Variants in ARHGEF12 observed in about 807,000 individuals in gnomAD.
ARHGEF12 encodes KMT2A/ARHGEF12 fusion protein.
In ARHGEF12, 66 loss-of-function variants were observed where a neutral mutation model predicts 211.2. The observed-to-expected ratio is 0.31, with a 90% CI of 0.26 to 0.38. The LOEUF is 0.38. Ranked by LOEUF, ARHGEF12 falls within the 10% of genes least tolerant of loss-of-function variation. ARHGEF12 has a pLI of 1.00. For missense variants in ARHGEF12, 1,429 were observed against 1,869.5 expected (o/e 0.76, Z 4.34); for synonymous variants, 592 against 638.4 (o/e 0.93, Z 1.09).
Position 120,451,202 on chromosome 11 carries a change from G to A in ARHGEF12, c.1844-310G>A, listed in dbSNP as rs545873692. On this transcript the variant is annotated intron_variant, in intron 21 of 40. Transcript: ENST00000397843. The stretch of plus-strand genomic sequence containing the variant: ...TATTTTATTTATTTATTTTTGAGAC[G>A]GAGTCTTGCTCTGTCACCCAGGCTG... The A allele has an allele frequency of 2.6e-3, 501 of 191,216 alleles. 2 individuals carry two copies. The highest frequency in any genetic ancestry group is 4.1e-3 in the Non-Finnish European group (375 of 92,168). The allele number at this position is 191,216 out of a possible 1,614,324, so 11.8% of individuals were successfully genotyped here.
chr11:120,425,347 T>TG (rs1178621744), intron 7 of ARHGEF12, among the ~76,000 whole-genome samples: 39 of 151,762 alleles, frequency 2.6e-4, no homozygotes, highest in African/African-American at 9.0e-4. Flanking sequence ...TGGTTTTTTT[T>TG]TTTTTTTTGT....
At chr11:120,385,186 C>T (rs987159759) in intron 1 of ARHGEF12, 10 of 489,086 alleles carry the variant, frequency 2.0e-5, no homozygotes, top group African/African-American at 1.9e-4. Flanking sequence ...GAGTGATATT[C>T]TAGGGAAATG....
intron 37 of ARHGEF12, 37 bp from the exon 38 acceptor site, chr11:120,479,923 A>G (rs971300579): frequency 1.3e-6 from 2 of 1,560,558 alleles, no homozygotes; most frequent in Admixed American, 1.7e-5. Flanking sequence ...ATAGTTGTGA[A>G]TATGTTTTTT....
chr11:120,369,593 T>G (rs1165364883), intron 1 of ARHGEF12, among the ~76,000 whole-genome samples: 1 of 152,160 alleles, frequency 6.6e-6, no homozygotes, highest in Admixed American at 6.5e-5. Context: ...CTAATCGGAG[T>G]AATGCAGTTT....
At position 120,343,505 on chromosome 11, in the gene ARHGEF12, T is replaced by C. The variant is rs1349386623; in HGVS notation, c.32+6230T>C. Among the ~76,000 whole-genome samples, 4 of 152,352 alleles carry C rather than the reference T, an allele frequency of 2.6e-5. No homozygotes were observed. In the East Asian group the frequency reaches 7.7e-4, roughly 29 times the overall value. ...TGCATGAGTATATAGTGTCGACTTTTAGTAAAAGAAAAAATACACTAACTT... is the reference window on the plus strand; with the variant it reads ...TGCATGAGTATATAGTGTCGACTTTCAGTAAAAGAAAAAATACACTAACTT... On this transcript the variant is annotated intron_variant, in intron 1 of 40. Coordinates refer to ENST00000397843, the MANE Select transcript of ARHGEF12 (RefSeq NM_015313.3).
chr11:120,472,415 G>A (rs979987291), intron 30 of ARHGEF12, among the ~76,000 whole-genome samples: 3 of 152,088 alleles, frequency 2.0e-5, no homozygotes, highest in Admixed American at 2.0e-4. Context: ...AATAGGACAA[G>A]GTTAGAGGGA....
intron 13 of ARHGEF12, among the ~76,000 whole-genome samples, chr11:120,440,448 A>G (rs77216358): frequency 0.034 from 5,128 of 152,194 alleles, 141 homozygotes; most frequent in South Asian, 0.049. Flanking sequence ...TAAGTACTTC[A>G]TTTTATTGGG....
chr11:120,378,927 T>A (rs1943804665), intron 1 of ARHGEF12, among the ~76,000 whole-genome samples: 2 of 152,196 alleles, frequency 1.3e-5, no homozygotes, highest in Non-Finnish European at 2.9e-5. Flanking sequence ...AAAAATTGTT[T>A]TGGCTCTTCT....
At chr11:120,353,075 T>C (rs1320172718) in intron 1 of ARHGEF12, among the ~76,000 whole-genome samples, 1 of 152,228 alleles carries the variant, frequency 6.6e-6, no homozygotes, top group African/African-American at 2.4e-5. Flanking sequence ...GAACCATCAA[T>C]TAATCTCATG....
At chr11:120,453,631 C>A (rs1025349635) in intron 22 of ARHGEF12, among the ~76,000 whole-genome samples, 10 of 152,158 alleles carry the variant, frequency 6.6e-5, no homozygotes, top group Non-Finnish European at 1.2e-4. Context: ...GTGGGATGAT[C>A]ACTTGATCCT....
rs188571479 is a variant in ARHGEF12 at position 120,417,162 on chromosome 11, C to T, written c.200-3591C>T. Among the ~76,000 whole-genome samples, 1,412 of 152,116 alleles carry T rather than the reference C, an allele frequency of 9.3e-3. 11 individuals are homozygous for T. Among genetic ancestry groups the T allele is most frequent in the Non-Finnish European group, 0.015 (1,011 of 68,022 alleles). On this transcript the variant is annotated intron_variant, in intron 4 of 40. Coordinates refer to ENST00000397843, the MANE Select transcript of ARHGEF12 (RefSeq NM_015313.3). ...TGCAAACATAGCAAACTCCTTGACT[C>T]CAAATACCCGTTTCCCTCATGTTTT...
At chr11:120,422,469 C>T (rs149387559) in intron 6 of ARHGEF12, among the ~76,000 whole-genome samples, 2 of 152,194 alleles carry the variant, frequency 1.3e-5, no homozygotes, top group African/African-American at 4.8e-5. Context: ...CAAACCAAAA[C>T]AAAAAACTTG....
At chr11:120,385,857 T>G (rs1944014940) in intron 1 of ARHGEF12, among the ~76,000 whole-genome samples, 1 of 152,172 alleles carries the variant, frequency 6.6e-6, no homozygotes, top group South Asian at 2.1e-4. Flanking sequence ...CTTAGAGACT[T>G]TGACGTATTA....
intron 4 of ARHGEF12, among the ~76,000 whole-genome samples, chr11:120,418,165 G>A (rs1945084187): frequency 1.3e-5 from 2 of 152,286 alleles, no homozygotes; most frequent in Admixed American, 6.5e-5. Flanking sequence ...ATTATCTTAA[G>A]AAACAGAACA....
chr11:120,384,839 A>G (rs1943980907), intron 1 of ARHGEF12, among the ~76,000 whole-genome samples: 1 of 151,292 alleles, frequency 6.6e-6, no homozygotes, highest in South Asian at 2.1e-4. Flanking sequence ...CTCCTGTCCC[A>G]GATTCTCTTT....
intron 1 of ARHGEF12, chr11:120,337,844 A>C: frequency 3.0e-6 from 3 of 985,480 alleles, no homozygotes; most frequent in Non-Finnish European, 3.6e-6. Context: ...TGCTGGAAGC[A>C]ATGTCCAGGA....
At chr11:120,395,053 T>C in intron 1 of ARHGEF12, among the ~76,000 whole-genome samples, 1 of 102,426 alleles carries the variant, frequency 9.8e-6, no homozygotes, top group South Asian at 3.2e-4. Context: ...CAAGACTCTA[T>C]CTCAAAAAAA....
At chr11:120,345,721 A>AC (rs60235593) in intron 1 of ARHGEF12, among the ~76,000 whole-genome samples, 5 of 150,486 alleles carry the variant, frequency 3.3e-5, no homozygotes, top group Non-Finnish European at 7.4e-5. Context: ...AAAAAAAAAA[A>AC]CGAAATGGCG....
chr11:120,411,772 G>GT (rs900148939), intron 4 of ARHGEF12: 38 of 145,336 alleles, frequency 2.6e-4, no homozygotes, highest in African/African-American at 7.4e-4. Context: ...TTGTTTGTTT[G>GT]TTTTTTTAAT....
Sources: gnomAD v4.1 joint callset for allele counts (sites outside exome capture counted in the v4.1 genomes callset) on GRCh38, gnomAD v4.1.1 for gene constraint, MANE v1.5 for transcripts, NCBI Gene and HGNC (gene_info 2026-07-23, HGNC 2026-07-21) for gene names.